Variants in SMYD2 observed in about 807,000 individuals in gnomAD.
SMYD2 encodes the protein SET and MYND domain containing 2, also known as N-lysine methyltransferase SMYD2.
SMYD2 carries 53 observed loss-of-function variants against 59.1 expected under a neutral mutation model. The ratio of observed to expected loss-of-function variants is 0.90; its 90% confidence interval spans 0.72 to 1.13. The LOEUF (loss-of-function observed/expected upper bound fraction) is 1.13, where lower values mean the gene tolerates loss of function less well. Among genes scored for constraint, SMYD2 ranks in the 50% most tolerant of loss-of-function variants. The probability of loss-of-function intolerance (pLI) is 0.00; values close to 1 mark genes in which losing one functional copy is unlikely to be tolerated. For synonymous variants in SMYD2, 208 were observed against 198.8 expected, an observed-to-expected ratio of 1.05 and a Z score of -0.39; for missense variants, 494 against 544.7, an observed-to-expected ratio of 0.91 and a Z score of 0.93.
At chr1:214,313,290 T>A (rs1657028319) in intron 2 of SMYD2, among the ~76,000 whole-genome samples, 1 of 152,024 alleles carries the variant, frequency 6.6e-6, no homozygotes, top group Non-Finnish European at 1.5e-5. Flanking sequence ...CTAATTTTTT[T>A]ATTTTTAGTA....
chr1:214,288,609 C>T (rs577367094), intron 1 of SMYD2, among the ~76,000 whole-genome samples: 14 of 152,254 alleles, frequency 9.2e-5, no homozygotes, highest in East Asian at 5.8e-4. Context: ...ATTTAACAAA[C>T]GAATGCATTG....
chr1:214,330,992 A>G lies in SMYD2; in HGVS notation c.859A>G (p.Lys287Glu). Residue 287 changes from lysine to glutamate, a missense_variant, in exon 9 of 12, where the codon AAG (lysine) becomes GAG (glutamate). Transcript: ENST00000366957. ...VEIRKLSDPP[K>E]AEAIRDMVRY... ...AATCCGGAAGCTCAGCGATCCCCCA[A>G]AGGCAGAAGCCATCCGAGACATGGT... The G allele has an allele frequency of 6.2e-7, 1 of 1,614,204 alleles. No individual in the cohort carries two copies. Among genetic ancestry groups the G allele is most frequent in the East Asian group, 2.2e-5 (1 of 44,876 alleles).
intron 3 of SMYD2, among the ~76,000 whole-genome samples, chr1:214,317,852 A>G (rs1231313026): frequency 6.6e-6 from 1 of 152,146 alleles, no homozygotes; most frequent in Non-Finnish European, 1.5e-5. Context: ...CTGTGTGCAT[A>G]GTATTATCAG....
At chr1:214,295,426 A>G (rs938619350) in intron 1 of SMYD2, among the ~76,000 whole-genome samples, 7 of 152,120 alleles carry the variant, frequency 4.6e-5, no homozygotes, top group African/African-American at 1.7e-4. Context: ...GCAAAGGTAA[A>G]TTTTGTCTGG....
At chr1:214,327,144 C>G (rs1185002581) in intron 6 of SMYD2, among the ~76,000 whole-genome samples, 1 of 152,220 alleles carries the variant, frequency 6.6e-6, no homozygotes, top group Non-Finnish European at 1.5e-5. Context: ...GTCTCCGGGT[C>G]TCTCAGGGGA....
chr1:214,287,120 C>T (rs1656561179), intron 1 of SMYD2, among the ~76,000 whole-genome samples: 1 of 151,962 alleles, frequency 6.6e-6, no homozygotes, highest in Non-Finnish European at 1.5e-5. Context: ...TGAGCCACCA[C>T]GCCTGGCCTG....
intron 1 of SMYD2, among the ~76,000 whole-genome samples, chr1:214,304,213 C>T (rs1656877925): frequency 6.6e-6 from 1 of 151,998 alleles, no homozygotes; most frequent in Non-Finnish European, 1.5e-5. Context: ...AAATAGTACA[C>T]TGACAAAATG....
rs369082796 is a variant in SMYD2 at position 214,318,942 on chromosome 1, G to T, written c.493G>T (p.Gly165Ter). 1 of 1,613,860 alleles carries T rather than the reference G, an allele frequency of 6.2e-7. No homozygotes were observed. Residue 165 changes from glycine to a stop codon, truncating the protein, a stop_gained, in exon 5 of 12, where the codon GGA becomes TGA. Coordinates refer to ENST00000366957, the MANE Select transcript of SMYD2 (RefSeq NM_020197.3). LOFTEE classifies it high-confidence loss of function. This position sits in a 1 kb window ranked among gnomAD's most constrained non-coding sequence, Gnocchi z 5.4. Reference sequence around the variant, plus strand: ...CCATCACTTTTACTCCAAGCATCTCGGATTCCCTGACAATGATAGCCTCGT... The same window carrying T: ...CCATCACTTTTACTCCAAGCATCTCTGATTCCCTGACAATGATAGCCTCGT... ...ALHHFYSKHLGFPDNDSLVVL... is the reference protein window; with the variant it reads ...ALHHFYSKHL
At chr1:214,297,675 A>G (rs1299219413) in intron 1 of SMYD2, among the ~76,000 whole-genome samples, 5 of 152,340 alleles carry the variant, frequency 3.3e-5, no homozygotes, top group Admixed American at 6.5e-5. Context: ...TCTGGAAAGA[A>G]CTGCAGCACA....
chr1:214,314,741 TG>T lies in SMYD2; in HGVS notation c.238-20del, dbSNP rs762923538. On this transcript the variant is annotated intron_variant, in intron 2 of 11. Transcript: ENST00000366957. ...CAGTGTATGTGCTATTTTTTAATAA[TG>T]TTTTTTTCAATCTTCCCAGAAAGAA... 308 of 1,583,208 alleles carry T rather than the reference TG, an allele frequency of 1.9e-4. No homozygotes were observed. Among genetic ancestry groups the T allele is most frequent in the Middle Eastern group, 3.3e-4 (2 of 6,010 alleles).
At chr1:214,305,113 G>A in intron 1 of SMYD2, 74 bp from the exon 2 acceptor site, 2 of 1,425,946 alleles carry the variant, frequency 1.4e-6, no homozygotes, top group Non-Finnish European at 2.0e-6. Flanking sequence ...AGTGGCTTTT[G>A]TTGTTGCATG....
At position 214,318,001 on chromosome 1, in the gene SMYD2, T is replaced by C; in HGVS notation, c.349-78T>C. 2 of 1,252,566 alleles carry C rather than the reference T, an allele frequency of 1.6e-6. No homozygotes were observed. Among genetic ancestry groups the C allele is most frequent in the Admixed American group, 1.8e-5 (1 of 55,862 alleles). 77.6% of individuals were successfully genotyped at this position (1,252,566 alleles called of 1,614,324 possible). A position where few individuals can be genotyped will look rare whatever the true frequency, so the allele number is the denominator to read the frequency against. On this transcript the variant is annotated intron_variant, in intron 3 of 11. Transcript: ENST00000366957. The surrounding 1 kb of genome is among the most constrained non-coding windows in gnomAD (Gnocchi z 5.4). ...AATTGTTACTTTTTCTTTATGTTGA[T>C]GTAAAAGTGAAAGTGCCACTTTATT...
At chr1:214,322,238 C>T (rs1338329915) in intron 5 of SMYD2, among the ~76,000 whole-genome samples, 2 of 152,214 alleles carry the variant, frequency 1.3e-5, no homozygotes, top group Admixed American at 1.3e-4. Context: ...TGAGATGATA[C>T]ATAGATCATT....
intron 2 of SMYD2, among the ~76,000 whole-genome samples, chr1:214,313,264 A>G (rs1480143938): frequency 6.6e-6 from 1 of 152,072 alleles, no homozygotes; most frequent in East Asian, 1.9e-4. Context: ...CTGCAGGCAC[A>G]TGCCACCACA....
chr1:214,299,808 G>A (rs1257107989), intron 1 of SMYD2, among the ~76,000 whole-genome samples: 1 of 152,008 alleles, frequency 6.6e-6, no homozygotes, highest in East Asian at 1.9e-4. Context: ...GGGCTTCACC[G>A]TGTTAGCCAG....
At chr1:214,299,346 A>G (rs1327710463) in intron 1 of SMYD2, among the ~76,000 whole-genome samples, 1 of 152,144 alleles carries the variant, frequency 6.6e-6, no homozygotes, top group Non-Finnish European at 1.5e-5. Context: ...CCAAAGGAAA[A>G]TAAATTGTTC....
chr1:214,293,801 C>T (rs890184235), intron 1 of SMYD2, among the ~76,000 whole-genome samples: 31 of 152,194 alleles, frequency 2.0e-4, no homozygotes, highest in African/African-American at 6.5e-4. Flanking sequence ...CTCCGCCTCC[C>T]GAGTAGCTAG....
In SMYD2 at chr1:214,336,816, A is replaced by G; in HGVS notation, c.*32A>G. 1 of 1,579,350 alleles carries G rather than the reference A, an allele frequency of 6.3e-7. No individual in the cohort carries two copies. Among genetic ancestry groups the G allele is most frequent in the Non-Finnish European group, 8.7e-7 (1 of 1,153,046 alleles). ...GCAGCATTTCAGTTTTCATTTAAAC[A>G]CTTAGTTCAGAAACCTTAAAGGATT... On this transcript the variant is annotated 3_prime_UTR_variant, in exon 12 of 12. Transcript: ENST00000366957.
In SMYD2 at chr1:214,318,139, C is replaced by T. The variant is rs759307844; in HGVS notation, c.409C>T (p.His137Tyr). 1.9e-6 allele frequency: 3 copies of T among 1,613,602 alleles called. No homozygotes were observed. The highest frequency in any genetic ancestry group is 2.5e-6 in the Non-Finnish European group (3 of 1,179,924). ...KLLAVKEFES[H>Y]LDKLDNEKKD... ...GTTAGCTGTGAAGGAGTTTGAATCACGTAAGTCTTTCTGTGACCAGCCGCG... is the reference window on the plus strand; with the variant it reads ...GTTAGCTGTGAAGGAGTTTGAATCATGTAAGTCTTTCTGTGACCAGCCGCG... The change falls in exon 4 of 12, where the codon CAT becomes TAT. Residue 137 changes from histidine (H) to tyrosine (Y), a missense_variant and splice_region_variant. By Grantham distance (83) the His-to-Tyr change is moderately conservative (BLOSUM62 2). Transcript: ENST00000366957. This position sits in a 1 kb window ranked among gnomAD's most constrained non-coding sequence, Gnocchi z 5.4.
Sources: gnomAD v4.1 joint callset for allele counts (sites outside exome capture counted in the v4.1 genomes callset) on GRCh38, gnomAD v4.1.1 for gene constraint, Gnocchi (gnomAD v3.1) non-coding constraint, MANE v1.5 for transcripts, NCBI Gene and HGNC (gene_info 2026-07-23, HGNC 2026-07-21) for gene names.